The following AKR1E2 variants were observed in gnomAD, a reference collection of about 807,000 sequenced individuals.
The protein encoded by AKR1E2 is 1,5-anhydro-D-fructose reductase.
Under a neutral mutation model 41.9 loss-of-function variants are expected in AKR1E2, and 43 were observed. The ratio of observed to expected loss-of-function variants is 1.03; its 90% CI spans 0.80 to 1.32. The LOEUF is 1.32. Among genes scored for constraint, AKR1E2 ranks in the 40% most tolerant of loss-of-function variants. The probability of loss-of-function intolerance (pLI) is 0.00; values close to 1 mark genes in which losing one functional copy is unlikely to be tolerated. For missense variants in AKR1E2, 423 were observed against 396.5 expected, an observed-to-expected ratio of 1.07 and a Z score of -0.57; for synonymous variants, 121 against 138.9, an observed-to-expected ratio of 0.87 and a Z score of 0.91.
downstream of AKR1E2, among the ~76,000 whole-genome samples, chr10:4,848,273 AC>A (rs1348762873): frequency 1.3e-5 from 2 of 152,104 alleles, no homozygotes; most frequent in African/African-American, 2.4e-5. Context: ...TACCTGGGGA[AC>A]CCCCATAGCG....
At chr10:4,866,126 A>G in the AKR1E2 span, among the ~76,000 whole-genome samples, 1 of 152,210 alleles carries the variant, frequency 6.6e-6, no homozygotes, top group Non-Finnish European at 1.5e-5. Flanking sequence ...CAGGCTAAAT[A>G]GGTCTGATTA....
the AKR1E2 span, among the ~76,000 whole-genome samples, chr10:4,862,485 G>A: frequency 6.6e-6 from 1 of 152,186 alleles, no homozygotes; most frequent in African/African-American, 2.4e-5. Flanking sequence ...TTGGTAGCTT[G>A]ATGAGGATGA....
At chr10:4,849,590 G>A (rs1161815629), downstream of AKR1E2, among the ~76,000 whole-genome samples, 1 of 152,232 alleles carries the variant, frequency 6.6e-6, no homozygotes, top group East Asian at 1.9e-4. Context: ...GAGTAGAATG[G>A]TGGTTACCAG....
intron 5 of AKR1E2, among the ~76,000 whole-genome samples, chr10:4,839,503 T>G (rs538763811): frequency 1.1e-3 from 173 of 152,310 alleles, no homozygotes; most frequent in African/African-American, 3.8e-3. Flanking sequence ...ATTGGAACAT[T>G]CAGATGATGT....
upstream of AKR1E2, among the ~76,000 whole-genome samples, chr10:4,825,334 A>T (rs1239112166): frequency 6.6e-6 from 1 of 152,148 alleles, no homozygotes; most frequent in Non-Finnish European, 1.5e-5. Context: ...CCCAGGGCTG[A>T]GGGGGGCAAT....
At chr10:4,869,449 A>T in the AKR1E2 span, among the ~76,000 whole-genome samples, 10 of 151,998 alleles carry the variant, frequency 6.6e-5, no homozygotes, top group African/African-American at 2.4e-4. Context: ...AGCTTGCTTG[A>T]ACTTTATCTT....
At chr10:4,845,744 G>C in intron 8 of AKR1E2, 1 of 471,132 alleles carries the variant, frequency 2.1e-6, no homozygotes, top group South Asian at 1.5e-5. Flanking sequence ...CGGGGACCTT[G>C]GGCCCAGCTG....
At chr10:4,849,262 T>C (rs1834478060), downstream of AKR1E2, among the ~76,000 whole-genome samples, 1 of 152,230 alleles carries the variant, frequency 6.6e-6, no homozygotes, top group South Asian at 2.1e-4. Context: ...TCAGGCCCTG[T>C]CCACCACCAT....
In AKR1E2 at chr10:4,830,745, C is replaced by T. The variant is rs1564255480; in HGVS notation, c.110C>T (p.Ala37Val). ...GCAGGGTACCGGCACTTCGACTGTG[C>T]TTACTTTTACCACAATGAGAGGGAG... ...IDAGYRHFDC[A>V]YFYHNEREVG... The change falls in exon 2 of 10, where the codon GCT becomes GTT. Residue 37 changes from alanine (A) to valine (V), a missense_variant. Physicochemically the swap from Ala to Val is moderately conservative, Grantham distance 64 (BLOSUM62 0). Coordinates refer to ENST00000298375, the MANE Select transcript of AKR1E2 (RefSeq NM_001040177.3). The T allele has an allele frequency of 2.5e-6, 4 of 1,614,006 alleles. No individual in the cohort carries two copies. The South Asian group carries it at 3.3e-5, about 13-fold the overall frequency.
the AKR1E2 span, among the ~76,000 whole-genome samples, chr10:4,856,044 A>G: frequency 1.4e-4 from 21 of 152,324 alleles, no homozygotes; most frequent in East Asian, 3.9e-3. Flanking sequence ...AAACTTACCA[A>G]GGTTTTTCAC....
intron 7 of AKR1E2, 70 bp from the exon 8 acceptor site, chr10:4,842,351 A>T: frequency 7.2e-7 from 1 of 1,395,088 alleles, no homozygotes; most frequent in Non-Finnish European, 1.0e-6. Flanking sequence ...TAAAACTCAC[A>T]TGTTAGAAAA....
Position 4,833,387 on chromosome 10 carries a change from C to G in AKR1E2, c.245C>G (p.Thr82Arg). Residue 82 changes from threonine to arginine, a missense_variant, in exon 3 of 10, where the codon ACA (threonine) becomes AGA (arginine). Transcript: ENST00000298375. ...TGCCATAAGAAGTCCTTGGTGGAAACAGCATGCAGAAAGAGTCTCAAGGCC... is the reference window on the plus strand; with the variant it reads ...TGCCATAAGAAGTCCTTGGTGGAAAGAGCATGCAGAAAGAGTCTCAAGGCC... ...CTCHKKSLVE[T>R]ACRKSLKALK... 1 of 1,614,180 alleles carries G rather than the reference C, an allele frequency of 6.2e-7. No individual in the cohort carries two copies. The highest frequency in any genetic ancestry group is 8.5e-7 in the Non-Finnish European group (1 of 1,180,028).
intron 1 of AKR1E2, among the ~76,000 whole-genome samples, chr10:4,828,890 A>G (rs1832751704): frequency 6.6e-6 from 1 of 152,184 alleles, no homozygotes; most frequent in Admixed American, 6.5e-5. Context: ...CACCTGCTAT[A>G]TTCATTACAC....
At chr10:4,843,039 A>G (rs17133748) in intron 8 of AKR1E2, among the ~76,000 whole-genome samples, 5,305 of 152,326 alleles carry the variant, frequency 0.035, 149 homozygotes, top group East Asian at 0.11. Flanking sequence ...TGCAGAACAC[A>G]GAGAGGCAGC....
At chr10:4,859,323 A>G in the AKR1E2 span, among the ~76,000 whole-genome samples, 2 of 152,220 alleles carry the variant, frequency 1.3e-5, no homozygotes, top group African/African-American at 4.8e-5. Flanking sequence ...ACAAATGGAA[A>G]ATGAAACGTT....
intron 2 of AKR1E2, among the ~76,000 whole-genome samples, chr10:4,832,577 G>T (rs1050238431): frequency 6.6e-6 from 1 of 152,210 alleles, no homozygotes. Flanking sequence ...TCATAGAAAT[G>T]TAATTAGAAA....
chr10:4,864,362 C>T, the AKR1E2 span, among the ~76,000 whole-genome samples: 1 of 152,168 alleles, frequency 6.6e-6, no homozygotes, highest in African/African-American at 2.4e-5. Flanking sequence ...ACAAAAACCA[C>T]ATGATTATCT....
the AKR1E2 span, among the ~76,000 whole-genome samples, chr10:4,872,415 T>A: frequency 6.6e-6 from 1 of 152,176 alleles, no homozygotes; most frequent in African/African-American, 2.4e-5. Flanking sequence ...TTTTATATTA[T>A]ACCTAGAGAG....
At chr10:4,841,899 A>T (rs754945881) in intron 7 of AKR1E2, 42 bp downstream of exon 7, 1 of 1,583,648 alleles carries the variant, frequency 6.3e-7, no homozygotes, top group Non-Finnish European at 8.6e-7. Flanking sequence ...GGGTTCTCTG[A>T]CCGCTCTACA....
Sources: gnomAD v4.1 joint callset for allele counts (sites outside exome capture counted in the v4.1 genomes callset) on GRCh38, gnomAD v4.1.1 for gene constraint, MANE v1.5 for transcripts, NCBI Gene and HGNC (gene_info 2026-07-23, HGNC 2026-07-21) for gene names.